The following PSMD11 variants were observed in gnomAD, a reference collection of about 807,000 sequenced individuals.
PSMD11 encodes 26S proteasome non-ATPase regulatory subunit 11.
In PSMD11, 5 loss-of-function variants were observed where a neutral mutation model predicts 62.3. The ratio of observed to expected loss-of-function variants is 0.08; its 90% CI spans 0.04 to 0.17. The LOEUF (loss-of-function observed/expected upper bound fraction) is 0.17, where lower values mean the gene tolerates loss of function less well. Ranked by LOEUF, PSMD11 falls within the 10% of genes least tolerant of loss-of-function variation. The probability of loss-of-function intolerance (pLI) is 1.00; values close to 1 mark genes in which losing one functional copy is unlikely to be tolerated. For missense variants in PSMD11, 310 were observed against 512.9 expected (o/e 0.60, Z 3.82); for synonymous variants, 191 against 191.8 (o/e 1.00, Z 0.03).
chr17:32,456,314 G>A (rs1036817407), intron 3 of PSMD11, among the ~76,000 whole-genome samples: 1 of 152,108 alleles, frequency 6.6e-6, no homozygotes, highest in African/African-American at 2.4e-5. Flanking sequence ...TTTGCACACT[G>A]AAGTTTCTGA....
intron 2 of PSMD11, among the ~76,000 whole-genome samples, chr17:32,449,328 C>T (rs906890854): frequency 6.6e-6 from 1 of 152,034 alleles, no homozygotes. Flanking sequence ...TTGCTTGAGC[C>T]GAGGAGGTTG....
Position 32,448,810 on chromosome 17 carries a change from A to G in PSMD11, c.193+1764A>G, listed in dbSNP as rs538442696. Among the ~76,000 whole-genome samples, 16 of 152,344 alleles carry G rather than the reference A, an allele frequency of 1.1e-4. No homozygotes were observed. The East Asian group carries it at 2.9e-3, about 28-fold the overall frequency. On this transcript the variant is annotated intron_variant, in intron 2 of 13. Transcript: ENST00000261712. ...TAAATAACTTAACAAAGCTCATTCA[A>G]CTAATAACTGGTAGACCTAGGATTT...
chr17:32,471,497 C>T (rs992475659), intron 6 of PSMD11, among the ~76,000 whole-genome samples: 3 of 152,206 alleles, frequency 2.0e-5, no homozygotes, highest in African/African-American at 7.2e-5. Context: ...GATTCCCTCT[C>T]CCATGCCCCA....
At chr17:32,461,624 T>A (rs535601088) in intron 3 of PSMD11, among the ~76,000 whole-genome samples, 2 of 147,810 alleles carry the variant, frequency 1.4e-5, no homozygotes, top group South Asian at 2.2e-4. Flanking sequence ...AAAAAAGATA[T>A]CCAGTTCGTG....
intron 3 of PSMD11, 181 bp downstream of exon 3, chr17:32,454,800 T>G: frequency 1.7e-6 from 1 of 578,052 alleles, no homozygotes; most frequent in Non-Finnish European, 2.8e-6. Context: ...TTCCATGCTT[T>G]GCTTTGTAAG....
At chr17:32,454,757 C>T in intron 3 of PSMD11, 138 bp downstream of exon 3, 1 of 929,426 alleles carries the variant, frequency 1.1e-6, no homozygotes, top group Non-Finnish European at 1.6e-6. Context: ...GTCAGTTTCT[C>T]TTTGTTACAG....
At chr17:32,460,589 C>T (rs758020508) in intron 3 of PSMD11, among the ~76,000 whole-genome samples, 10 of 151,914 alleles carry the variant, frequency 6.6e-5, no homozygotes, top group East Asian at 1.9e-4. Context: ...CTGGCTAACA[C>T]GGTGAAACCT....
chr17:32,444,845 G>C (rs887429944), intron 1 of PSMD11: 1 of 572,326 alleles, frequency 1.7e-6, no homozygotes, highest in Non-Finnish European at 3.0e-6. Context: ...GCTGACTCAC[G>C]GGGGGCTCAG....
Position 32,474,636 on chromosome 17 carries a change from G to A in PSMD11, c.789-128G>A. On this transcript the variant is annotated intron_variant, in intron 7 of 13. Coordinates refer to ENST00000261712, the MANE Select transcript of PSMD11 (RefSeq NM_002815.4). ...ATGTGATGGGCATATGGGTTTAGGG[G>A]TTGGGCTGATTGTCTGTGTGGGCAG... 4.6e-6 allele frequency: 4 copies of A among 877,978 alleles called. No individual in the cohort carries two copies. The South Asian group carries it at 5.7e-5, about 12-fold the overall frequency. The allele number at this position is 877,978 out of a possible 1,614,324, so 54.4% of individuals were successfully genotyped here.
intron 1 of PSMD11, 35 bp downstream of exon 1, chr17:32,444,649 G>T (rs748176362): frequency 1.2e-6 from 2 of 1,608,754 alleles, no homozygotes; most frequent in South Asian, 1.1e-5. Context: ...CGGCCCCGCC[G>T]GCCCAGCTCG....
chr17:32,453,261 A>G (rs1907558893), intron 2 of PSMD11, among the ~76,000 whole-genome samples: 1 of 152,196 alleles, frequency 6.6e-6, no homozygotes, highest in Non-Finnish European at 1.5e-5. Context: ...TACATGGGAA[A>G]CTCAATAGGA....
At position 32,459,020 on chromosome 17, in the gene PSMD11, A is replaced by G. The variant is rs112208043; in HGVS notation, c.318+4401A>G. 8.7e-3 allele frequency among the ~76,000 whole-genome samples: 1,309 copies of G among 150,558 alleles called. 20 individuals are homozygous for G. Among genetic ancestry groups the G allele is most frequent in the African/African-American group, 0.028 (1,154 of 40,966 alleles). On this transcript the variant is annotated intron_variant, in intron 3 of 13. Coordinates refer to ENST00000261712, the MANE Select transcript of PSMD11 (RefSeq NM_002815.4). ...TGAGGCACAAGAATCACTTGAATCC[A>G]GGAGGTAGAGGTTCCAGTGAGCCAA...
At chr17:32,468,399 G>A (rs975653343) in intron 5 of PSMD11, among the ~76,000 whole-genome samples, 2 of 151,564 alleles carry the variant, frequency 1.3e-5, no homozygotes, top group East Asian at 1.9e-4. Flanking sequence ...AGAAACCATT[G>A]CCAAATCCAA....
At chr17:32,479,788 C>G (rs1441297534) in intron 10 of PSMD11, 63 bp from the exon 11 acceptor site, 3 of 1,545,948 alleles carry the variant, frequency 1.9e-6, no homozygotes, top group African/African-American at 2.7e-5. Context: ...TGTTCCCTCC[C>G]TTCTCTTATT....
chr17:32,444,644 C>T, intron 1 of PSMD11, 30 bp downstream of exon 1: 3 of 1,609,996 alleles, frequency 1.9e-6, no homozygotes, highest in African/African-American at 2.7e-5. Flanking sequence ...CTCCCCGGCC[C>T]CGCCGGCCCA....
chr17:32,449,278 G>A (rs1907421740), intron 2 of PSMD11, among the ~76,000 whole-genome samples: 1 of 152,122 alleles, frequency 6.6e-6, no homozygotes, highest in Non-Finnish European at 1.5e-5. Context: ...GGTGTTATGT[G>A]CCTGTAGTCC....
At chr17:32,460,447 C>T (rs1261390604) in intron 3 of PSMD11, among the ~76,000 whole-genome samples, 2 of 152,004 alleles carry the variant, frequency 1.3e-5, no homozygotes, top group Non-Finnish European at 2.9e-5. Flanking sequence ...AGGGGATTTC[C>T]CTTGCTTTTT....
chr17:32,480,978 G>GA lies in PSMD11; in HGVS notation c.*237dup, dbSNP rs892468317. Reference sequence around the variant, plus strand: ...GAAATTGCTTAAAAAAAAAGAAAAAGAAAAAAAAAAAGATTATTCTAAATA... The same window carrying GA: ...GAAATTGCTTAAAAAAAAAGAAAAAGAAAAAAAAAAAAGATTATTCTAAATA... On this transcript the variant is annotated 3_prime_UTR_variant, in exon 14 of 14. Coordinates refer to ENST00000261712, the MANE Select transcript of PSMD11 (RefSeq NM_002815.4). 4.5e-3 allele frequency: 706 copies of GA among 158,606 alleles called. No individual in the cohort carries two copies. Among genetic ancestry groups the GA allele is most frequent in the Middle Eastern group, 8.6e-3 (3 of 350 alleles). 9.8% of individuals were successfully genotyped at this position (158,606 alleles called of 1,614,324 possible).
At chr17:32,480,329 G>T in intron 12 of PSMD11, 132 bp downstream of exon 12, 1 of 1,451,160 alleles carries the variant, frequency 6.9e-7, no homozygotes, top group Non-Finnish European at 9.6e-7. Context: ...TCTTCCCTGT[G>T]ATGAGAATGT....
Sources: allele counts gnomAD v4.1 joint callset (sites outside exome capture counted in the v4.1 genomes callset), GRCh38; gene constraint gnomAD v4.1.1; transcripts MANE v1.5; gene names NCBI Gene and HGNC (gene_info 2026-07-23, HGNC 2026-07-21).